LMX1B: variants seen among roughly 807,000 people sequenced by gnomAD.
LMX1B encodes LIM homeobox transcription factor 1-beta.
A neutral mutation model predicts 51.4 loss-of-function variants in LMX1B; 12 were observed. The ratio of observed to expected loss-of-function variants is 0.23; its 90% CI spans 0.15 to 0.38. LMX1B has a LOEUF of 0.38. Ranked by LOEUF, LMX1B falls within the 10% of genes least tolerant of loss-of-function variation. The pLI is 1.00. For missense variants in LMX1B, 445 were observed against 571.1 expected (o/e 0.78, Z 2.25); for synonymous variants, 237 against 235.4 (o/e 1.01, Z -0.06).
intron 2 of LMX1B, among the ~76,000 whole-genome samples, chr9:126,623,770 G>A (rs890954694): frequency 1.8e-4 from 27 of 152,348 alleles, no homozygotes; most frequent in Middle Eastern, 3.4e-3. Flanking sequence ...TGCGCGGATT[G>A]CCCCCTGTAG....
At chr9:126,659,765 T>G (rs1053761379) in intron 2 of LMX1B, among the ~76,000 whole-genome samples, 1 of 151,786 alleles carries the variant, frequency 6.6e-6, no homozygotes, top group Non-Finnish European at 1.5e-5. Context: ...CCTTAGAGAT[T>G]GTCCTATGTG....
At chr9:126,646,504 G>T (rs1033281003) in intron 2 of LMX1B, among the ~76,000 whole-genome samples, 4 of 152,180 alleles carry the variant, frequency 2.6e-5, no homozygotes, top group African/African-American at 9.7e-5. Context: ...GGCAAATAAA[G>T]ATACAGTGAA....
Position 126,671,636 on chromosome 9 carries a change from T to C in LMX1B, c.327-19200T>C, listed in dbSNP as rs986105130. On this transcript the variant is annotated intron_variant, in intron 2 of 7. Transcript: ENST00000373474. This position sits in a 1 kb window ranked among gnomAD's most constrained non-coding sequence, Gnocchi z 4.4. The stretch of plus-strand genomic sequence containing the variant: ...TCTGGCTCTCTAATCCTGTATCTTT[T>C]GAAAGATAGGCGCACCCCGGGATGA... Among the ~76,000 whole-genome samples, 1 of 152,208 alleles carries C rather than the reference T, an allele frequency of 6.6e-6. No individual in the cohort carries two copies. Among genetic ancestry groups the C allele is most frequent in the Admixed American group, 6.5e-5 (1 of 15,290 alleles).
chr9:126,694,923 C>G (rs1448433794), intron 6 of LMX1B, among the ~76,000 whole-genome samples: 1 of 152,114 alleles, frequency 6.6e-6, no homozygotes, highest in Non-Finnish European at 1.5e-5. Context: ...ATGCTCCATC[C>G]TGCCCACACG....
Position 126,625,942 on chromosome 9 carries a change from G to A in LMX1B, c.326+10373G>A, listed in dbSNP as rs1318650072. Among the ~76,000 whole-genome samples, 1 of 152,228 alleles carries A rather than the reference G, an allele frequency of 6.6e-6. No individual in the cohort carries two copies. The highest frequency in any genetic ancestry group is 1.5e-5 in the Non-Finnish European group (1 of 68,032). ...AGCCGCGGGCGTCGGAGAAGCGGCC[G>A]CGCTGTTCCGGGTCACTGCACCGGC... On this transcript the variant is annotated intron_variant, in intron 2 of 7. Coordinates refer to ENST00000373474, the MANE Select transcript of LMX1B (RefSeq NM_001174147.2). The surrounding 1 kb of genome is among the most constrained non-coding windows in gnomAD (Gnocchi z 5.3).
intron 2 of LMX1B, among the ~76,000 whole-genome samples, chr9:126,648,452 C>T (rs1239095227): frequency 2.6e-5 from 4 of 152,254 alleles, no homozygotes; most frequent in African/African-American, 7.2e-5. Flanking sequence ...GTGTTGGGGG[C>T]GGGACCCGGC....
chr9:126,657,445 C>T (rs190450299), intron 2 of LMX1B, among the ~76,000 whole-genome samples: 2 of 152,348 alleles, frequency 1.3e-5, no homozygotes, highest in East Asian at 3.9e-4. Flanking sequence ...ATGTGCAAGT[C>T]TGTTCCCCAA....
chr9:126,664,237 C>T (rs569551523), intron 2 of LMX1B, among the ~76,000 whole-genome samples: 15 of 152,336 alleles, frequency 9.8e-5, no homozygotes, highest in African/African-American at 1.4e-4. Context: ...CCTCCCCCAA[C>T]GCTCTGTGTC....
chr9:126,633,160 C>G (rs879619181), intron 2 of LMX1B, among the ~76,000 whole-genome samples: 2 of 152,178 alleles, frequency 1.3e-5, no homozygotes, highest in African/African-American at 2.4e-5. Context: ...GGCTCTGAGC[C>G]CCACCCCCGT....
chr9:126,687,217 CT>C (rs60473276), intron 2 of LMX1B, among the ~76,000 whole-genome samples: 26 of 148,394 alleles, frequency 1.8e-4, no homozygotes, highest in South Asian at 1.3e-3. Flanking sequence ...TGATCATTCC[CT>C]TTTTTTTTTT....
Position 126,671,202 on chromosome 9 carries a change from C to T in LMX1B, c.327-19634C>T, listed in dbSNP as rs1025000990. Among the ~76,000 whole-genome samples, 20 of 152,340 alleles carry T rather than the reference C, an allele frequency of 1.3e-4. No homozygotes were observed. Among genetic ancestry groups the T allele is most frequent in the East Asian group, 5.8e-4 (3 of 5,184 alleles). On this transcript the variant is annotated intron_variant, in intron 2 of 7. Transcript: ENST00000373474. The surrounding 1 kb of genome is among the most constrained non-coding windows in gnomAD (Gnocchi z 4.4). ...AGTAAACCCAGCTCTGCTTCGCCACCGCCGAGCTCTGAGCTGGGGGGAGGG... is the reference window on the plus strand; with the variant it reads ...AGTAAACCCAGCTCTGCTTCGCCACTGCCGAGCTCTGAGCTGGGGGGAGGG...
chr9:126,665,605 G>A (rs1836326940), intron 2 of LMX1B, among the ~76,000 whole-genome samples: 1 of 152,238 alleles, frequency 6.6e-6, no homozygotes. Context: ...GGCTGCAGGG[G>A]CGGGGTTGCC....
intron 2 of LMX1B, among the ~76,000 whole-genome samples, chr9:126,633,529 G>A (rs1200233587): frequency 6.6e-6 from 1 of 152,152 alleles, no homozygotes; most frequent in Non-Finnish European, 1.5e-5. Flanking sequence ...CCAATCCTGG[G>A]GACTGGCTGG....
At chr9:126,645,177 T>C (rs1835877350) in intron 2 of LMX1B, among the ~76,000 whole-genome samples, 1 of 151,990 alleles carries the variant, frequency 6.6e-6, no homozygotes, top group Admixed American at 6.6e-5. Context: ...AGACCAGGGA[T>C]CTCACCTCCC....
rs1351023834 is a variant in LMX1B at position 126,693,290 on chromosome 9, C to T, written c.708C>T (p.Ala236=). 6.8e-6 allele frequency: 11 copies of T among 1,609,222 alleles called. No homozygotes were observed. The East Asian group carries it at 1.8e-4, about 26-fold the overall frequency. ...LTTQQRRAFK[A]SFEVSSKPCR... ...CGCAGCAGCGAAGAGCCTTCAAGGC[C>T]TCCTTCGAGGTCTCGTCGAAGCCTT... The change falls in exon 4 of 8, where the codon GCC becomes GCT. Residue 236 remains alanine (A), a synonymous_variant. Coordinates refer to ENST00000373474, the MANE Select transcript of LMX1B (RefSeq NM_001174147.2).
At chr9:126,663,429 A>G (rs201628375) in intron 2 of LMX1B, among the ~76,000 whole-genome samples, 20 of 91,066 alleles carry the variant, frequency 2.2e-4, no homozygotes, top group South Asian at 4.6e-4. Flanking sequence ...TTCTCAAAAA[A>G]AAAAAAAAAG....
In LMX1B at chr9:126,614,349, C is replaced by T; in HGVS notation, c.-101C>T. The T allele has an allele frequency of 1.1e-6, 1 of 869,878 alleles. No individual in the cohort carries two copies. Among genetic ancestry groups the T allele is most frequent in the Non-Finnish European group, 1.4e-6 (1 of 706,742 alleles). 53.9% of individuals were successfully genotyped at this position (869,878 alleles called of 1,614,324 possible). On this transcript the variant is annotated 5_prime_UTR_variant, in exon 1 of 8. Transcript: ENST00000373474. ...CGGCGCAACCCCTGCCCTGCGGGGG[C>T]CGCGCCTCCCCGGTTCCAGGGCCGC...
chr9:126,651,100 G>A (rs1398481108), intron 2 of LMX1B, among the ~76,000 whole-genome samples: 2 of 151,986 alleles, frequency 1.3e-5, no homozygotes, highest in Non-Finnish European at 1.5e-5. Context: ...CAGGGTGGAG[G>A]AGAAGGGCCT....
intron 2 of LMX1B, among the ~76,000 whole-genome samples, chr9:126,628,857 G>C (rs908706031): frequency 3.3e-5 from 5 of 152,136 alleles, no homozygotes; most frequent in African/African-American, 1.2e-4. Flanking sequence ...AAGCGGGGAG[G>C]GGGGTGTGGG....
Sources: allele counts gnomAD v4.1 joint callset (sites outside exome capture counted in the v4.1 genomes callset), GRCh38; gene constraint gnomAD v4.1.1; non-coding constraint Gnocchi (gnomAD v3.1); transcripts MANE v1.5; gene names NCBI Gene and HGNC (gene_info 2026-07-23, HGNC 2026-07-21).